Variants in LUZP1 observed in about 807,000 individuals in gnomAD.
LUZP1 encodes the protein filamin mechanobinding actin cross-linking protein.
LUZP1 carries 25 observed loss-of-function variants against 71.3 expected under a neutral mutation model. That is an observed-to-expected ratio of 0.35 (90% CI 0.26 to 0.49). The LOEUF is 0.49. Ranked by LOEUF, LUZP1 falls within the 20% of genes least tolerant of loss-of-function variation. The probability of loss-of-function intolerance (pLI) is 0.99; values close to 1 mark genes in which losing one functional copy is unlikely to be tolerated. For synonymous variants in LUZP1, 481 were observed against 506.4 expected (o/e 0.95, Z 0.67); for missense variants, 1,142 against 1,300.8 (o/e 0.88, Z 1.88).
intron 3 of LUZP1, among the ~76,000 whole-genome samples, chr1:23,103,835 G>GGA (rs1317517279): frequency 1.5e-5 from 1 of 65,264 alleles, no homozygotes; most frequent in Non-Finnish European, 3.0e-5. Flanking sequence ...AGGAAGAGAG[G>GGA]GAGAGAGGGA....
intron 2 of LUZP1, chr1:23,133,355 T>C (rs1644229293): frequency 6.6e-6 from 1 of 152,212 alleles, no homozygotes; most frequent in Non-Finnish European, 1.5e-5. Context: ...TATCAGTGGA[T>C]GCTAAAACCA....
At chr1:23,099,755 AT>A (rs1419143161) in intron 3 of LUZP1, among the ~76,000 whole-genome samples, 1 of 152,246 alleles carries the variant, frequency 6.6e-6, no homozygotes, top group Non-Finnish European at 1.5e-5. Context: ...CCCAGTAAAT[AT>A]GTAGCAAATA....
intron 3 of LUZP1, among the ~76,000 whole-genome samples, chr1:23,103,252 A>T (rs988206103): frequency 2.6e-5 from 4 of 151,958 alleles, no homozygotes; most frequent in Admixed American, 2.0e-4. Context: ...GCCAAGAGCT[A>T]TTTTCAAGCA....
intron 3 of LUZP1, among the ~76,000 whole-genome samples, chr1:23,096,540 C>T (rs892359362): frequency 5.9e-5 from 9 of 151,880 alleles, no homozygotes; most frequent in Admixed American, 5.2e-4. Context: ...GATTTAGGAT[C>T]GGAAGAATCC....
chr1:23,159,981 C>T (rs1022694084), intron 2 of LUZP1, among the ~76,000 whole-genome samples: 2 of 152,048 alleles, frequency 1.3e-5, no homozygotes, highest in African/African-American at 4.8e-5. Flanking sequence ...GGTAAAATTC[C>T]GTCTCAAAAA....
chr1:23,098,496 G>A (rs1004239923), intron 3 of LUZP1, among the ~76,000 whole-genome samples: 4 of 152,158 alleles, frequency 2.6e-5, no homozygotes, highest in African/African-American at 9.7e-5. Flanking sequence ...ATCATTAGAA[G>A]AGAGAAATAA....
chr1:23,157,431 C>A (rs1347091809), intron 2 of LUZP1, among the ~76,000 whole-genome samples: 1 of 148,352 alleles, frequency 6.7e-6, no homozygotes, highest in Non-Finnish European at 1.5e-5. Flanking sequence ...AATCCCAGCA[C>A]CTTGGAAGGC....
intron 1 of LUZP1, among the ~76,000 whole-genome samples, chr1:23,171,325 G>C (rs1389297072): frequency 6.6e-6 from 1 of 152,174 alleles, no homozygotes; most frequent in Admixed American, 6.5e-5. Flanking sequence ...CCAGTCTGCA[G>C]ACCCCAGATG....
intron 1 of LUZP1, among the ~76,000 whole-genome samples, chr1:23,170,462 C>CTTTTTTTTTTTTT (rs200073505): frequency 2.4e-5 from 3 of 127,444 alleles, no homozygotes; most frequent in Admixed American, 7.9e-5. Flanking sequence ...CTTTTTCTTT[C>CTTTTTTTTTTTTT]TTTTTTTTTT....
intron 2 of LUZP1, among the ~76,000 whole-genome samples, chr1:23,136,842 C>T (rs1413742627): frequency 1.3e-5 from 2 of 152,252 alleles, no homozygotes; most frequent in South Asian, 2.1e-4. Context: ...GGCATGAACC[C>T]GGGAGGCGGA....
intron 2 of LUZP1, among the ~76,000 whole-genome samples, chr1:23,152,499 A>C (rs1270850552): frequency 6.6e-6 from 1 of 152,092 alleles, no homozygotes; most frequent in African/African-American, 2.4e-5. Flanking sequence ...ACTTCAGTTA[A>C]CTAATACCAC....
chr1:23,101,571 T>C (rs1643931896), intron 3 of LUZP1, among the ~76,000 whole-genome samples: 1 of 152,192 alleles, frequency 6.6e-6, no homozygotes, highest in South Asian at 2.1e-4. Flanking sequence ...CAAAAGCACT[T>C]TGAAAAGTCC....
At chr1:23,128,847 C>T (rs941879774) in intron 2 of LUZP1, among the ~76,000 whole-genome samples, 5 of 152,210 alleles carry the variant, frequency 3.3e-5, no homozygotes, top group African/African-American at 1.2e-4. Flanking sequence ...CTATTCAGAA[C>T]ATTAGATGTC....
At chr1:23,092,442 T>C (rs1289760433) in exon 4 of LUZP1, 3 of 1,614,228 alleles carry the variant, frequency 1.9e-6, no homozygotes, top group Non-Finnish European at 2.5e-6. Context: ...TCTACAGCTA[T>C]AAGGATACTT....
At position 23,167,481 on chromosome 1, in the gene LUZP1, G is replaced by A. The variant is rs150424962; in HGVS notation, c.-226+1285C>T. On this transcript the variant is annotated intron_variant, in intron 2 of 4. Transcript: ENST00000302291. ...AGGTCATTCAAGTCAGTGAAGGTGC[G>A]ACGGTGGAGCTGCAGGCAGTCTGGC... Among the ~76,000 whole-genome samples, 189 of 135,040 alleles carry A rather than the reference G, an allele frequency of 1.4e-3. 1 individual carries two copies. The highest frequency in any genetic ancestry group is 5.7e-3 in the African/African-American group (177 of 30,928). The allele number at this position is 135,040 out of a possible 152,430, so 88.6% of individuals were successfully genotyped here.
chr1:23,142,866 G>C (rs920015355), intron 2 of LUZP1, among the ~76,000 whole-genome samples: 9 of 152,002 alleles, frequency 5.9e-5, no homozygotes, highest in Admixed American at 3.9e-4. Flanking sequence ...CCTAAAGGTA[G>C]ATTTTAAAGA....
chr1:23,090,960 A>G, intron 4 of LUZP1: 1 of 719,116 alleles, frequency 1.4e-6, no homozygotes, highest in East Asian at 2.7e-5. Flanking sequence ...ATACGAGAGC[A>G]AAATGAAGAC....
At position 23,093,372 on chromosome 1, in the gene LUZP1, T is replaced by G. The variant is rs1269949537; in HGVS notation, c.890A>C (p.Lys297Thr). ...AAAGTGTTTGATTTGTGTCTTAAGT[T>G]TCTCAATCTCTTGGTTAAGGTCTTT... is the stretch of plus-strand genomic sequence containing the variant. The change falls in exon 4 of 5, where the codon AAA becomes ACA. Residue 297 changes from lysine to threonine, a missense_variant. Coordinates refer to ENST00000302291, the Ensembl canonical transcript of LUZP1. The surrounding 1 kb of genome is among the most constrained non-coding windows in gnomAD (Gnocchi z 4.2). The G allele has an allele frequency of 6.2e-7, 1 of 1,613,620 alleles. No individual in the cohort carries two copies. Among genetic ancestry groups the G allele is most frequent in the South Asian group, 1.1e-5 (1 of 90,828 alleles).
At chr1:23,129,022 G>T (rs1644194108) in intron 2 of LUZP1, among the ~76,000 whole-genome samples, 1 of 152,184 alleles carries the variant, frequency 6.6e-6, no homozygotes, top group Admixed American at 6.5e-5. Context: ...AATCTTTAAA[G>T]GCTATAGCAT....
Sources: allele counts gnomAD v4.1 joint callset (sites outside exome capture counted in the v4.1 genomes callset), GRCh38; gene constraint gnomAD v4.1.1; non-coding constraint Gnocchi (gnomAD v3.1); transcripts MANE v1.5; gene names NCBI Gene and HGNC (gene_info 2026-07-23, HGNC 2026-07-21).